The following EPHA3 variants were observed in gnomAD, a reference collection of about 807,000 sequenced individuals.
EPHA3 encodes the protein ephrin type-A receptor 3.
Under a neutral mutation model 107.1 loss-of-function variants are expected in EPHA3, and 42 were observed. That is an observed-to-expected ratio of 0.39 (90% confidence interval 0.31 to 0.51). The LOEUF is 0.51. Among genes scored for constraint, EPHA3 ranks in the 20% least tolerant of loss-of-function variants. The probability of loss-of-function intolerance (pLI) is 0.78; values close to 1 mark genes in which losing one functional copy is unlikely to be tolerated. For missense variants in EPHA3, 1,183 were observed against 1,211.2 expected (o/e 0.98, Z 0.35); for synonymous variants, 461 against 424.8 (o/e 1.09, Z -1.05).
chr3:89,357,528 G>T (rs1192604341), intron 5 of EPHA3, among the ~76,000 whole-genome samples: 1 of 151,008 alleles, frequency 6.6e-6, no homozygotes, highest in African/African-American at 2.4e-5. Context: ...GGCAAAGTTC[G>T]TCTATCTTTG....
At chr3:89,266,379 G>A (rs1193563851) in intron 3 of EPHA3, among the ~76,000 whole-genome samples, 1 of 152,088 alleles carries the variant, frequency 6.6e-6, no homozygotes, top group Non-Finnish European at 1.5e-5. Flanking sequence ...ATTGAAGCCA[G>A]CTTAGTTCCC....
intron 2 of EPHA3, among the ~76,000 whole-genome samples, chr3:89,203,250 T>C (rs1356391727): frequency 6.6e-6 from 1 of 150,754 alleles, no homozygotes; most frequent in African/African-American, 2.4e-5. Context: ...GTTTTGTTTT[T>C]GTTGTTGTTG....
intron 13 of EPHA3, among the ~76,000 whole-genome samples, chr3:89,442,588 A>C (rs189622964): frequency 1.3e-3 from 193 of 152,302 alleles, no homozygotes; most frequent in African/African-American, 4.5e-3. Flanking sequence ...GTCACAGCAA[A>C]GAATGATCTC....
At chr3:89,138,949 A>G (rs1704371078) in intron 2 of EPHA3, among the ~76,000 whole-genome samples, 1 of 151,876 alleles carries the variant, frequency 6.6e-6, no homozygotes, top group South Asian at 2.1e-4. Flanking sequence ...AAAATTATCT[A>G]GTAAACTAAG....
chr3:89,125,653 GA>G (rs924332686), intron 1 of EPHA3, among the ~76,000 whole-genome samples: 8 of 151,420 alleles, frequency 5.3e-5, no homozygotes, highest in Admixed American at 1.3e-4. Flanking sequence ...AATTTATTGG[GA>G]AAAAATTCTT....
chr3:89,323,376 T>C (rs1707087362), intron 3 of EPHA3, among the ~76,000 whole-genome samples: 1 of 152,114 alleles, frequency 6.6e-6, no homozygotes, highest in African/African-American at 2.4e-5. Flanking sequence ...CAGTTACATA[T>C]ATAGTAACTG....
At chr3:89,435,077 A>G (rs1325788478) in intron 13 of EPHA3, among the ~76,000 whole-genome samples, 1 of 152,014 alleles carries the variant, frequency 6.6e-6, no homozygotes, top group East Asian at 1.9e-4. Flanking sequence ...TAATAAGAAG[A>G]CTTCAATTTT....
rs1704740790 is a variant in EPHA3, at chr3:89,153,987, C to T, written c.153+26714C>T. Among the ~76,000 whole-genome samples, 3 of 152,052 alleles carry T rather than the reference C, an allele frequency of 2.0e-5. No individual in the cohort carries two copies. The South Asian group carries it at 6.2e-4, about 31-fold the overall frequency. On this transcript the variant is annotated intron_variant, in intron 2 of 16. Transcript: ENST00000336596. ...CTGCTTTTATCTCTGAGCTTCAGCA[C>T]TTATTCTTCCCACTTCCTGCAAATG... is the stretch of plus-strand genomic sequence containing the variant.
In EPHA3 at chr3:89,466,784, C is replaced by A. The variant is rs1228551018; in HGVS notation, c.2691-5680C>A. Among the ~76,000 whole-genome samples, 2 of 138,126 alleles carry A rather than the reference C, an allele frequency of 1.4e-5. 1 individual carries two copies. Among genetic ancestry groups the A allele is most frequent in the Non-Finnish European group, 3.2e-5 (2 of 62,454 alleles). The allele number at this position is 138,126 out of a possible 152,430, so 90.6% of individuals were successfully genotyped here. A position where few individuals can be genotyped will look rare whatever the true frequency, so the allele number is the denominator to read the frequency against. On this transcript the variant is annotated intron_variant, in intron 15 of 16. Coordinates refer to ENST00000336596, the MANE Select transcript of EPHA3 (RefSeq NM_005233.6). ...CCTCAGATGGAAATGCAGAAATCACCGTCTTATGCGTCGCTCACGCTGGGA... is the reference window on the plus strand; with the variant it reads ...CCTCAGATGGAAATGCAGAAATCACAGTCTTATGCGTCGCTCACGCTGGGA...
In EPHA3 at chr3:89,287,698, A is replaced by G. The variant is rs1326794827; in HGVS notation, c.815-53218A>G. ...CACTTAATTTAGTATTACATTTTTT[A>G]GAAGAAAATTTTAACAAAAATCACT... On this transcript the variant is annotated intron_variant, in intron 3 of 16. Coordinates refer to ENST00000336596, the MANE Select transcript of EPHA3 (RefSeq NM_005233.6). Among the ~76,000 whole-genome samples the G allele has an allele frequency of 2.0e-5, 3 of 152,178 alleles. No individual in the cohort carries two copies. In the East Asian group the frequency reaches 5.8e-4, roughly 29 times the overall value.
intron 3 of EPHA3, among the ~76,000 whole-genome samples, chr3:89,263,071 T>G (rs1398579569): frequency 4.0e-5 from 6 of 150,292 alleles, no homozygotes; most frequent in Admixed American, 1.3e-4. Flanking sequence ...GGTGGTTTGC[T>G]GCACCCATCA....
intron 2 of EPHA3, among the ~76,000 whole-genome samples, chr3:89,134,570 G>C (rs1704274440): frequency 6.6e-6 from 1 of 152,122 alleles, no homozygotes; most frequent in Admixed American, 6.5e-5. Context: ...TGGCTGCATA[G>C]TATTCCATGG....
chr3:89,346,559 T>C (rs934002255), intron 5 of EPHA3, among the ~76,000 whole-genome samples: 2 of 149,230 alleles, frequency 1.3e-5, no homozygotes, highest in Non-Finnish European at 1.5e-5. Flanking sequence ...TTTCTCCCAT[T>C]TTGTAGGTTG....
At chr3:89,378,818 G>C (rs183347323) in intron 5 of EPHA3, among the ~76,000 whole-genome samples, 1 of 152,108 alleles carries the variant, frequency 6.6e-6, no homozygotes, top group Admixed American at 6.6e-5. Flanking sequence ...GCAGCTTAAG[G>C]CTATTTTTTC....
chr3:89,324,383 C>T (rs1707118460), intron 3 of EPHA3, among the ~76,000 whole-genome samples: 1 of 151,808 alleles, frequency 6.6e-6, no homozygotes, highest in Admixed American at 6.6e-5. Flanking sequence ...GTTGGCCAGG[C>T]TGGTCTCATC....
intron 2 of EPHA3, among the ~76,000 whole-genome samples, chr3:89,148,729 G>A (rs1704624870): frequency 6.6e-6 from 1 of 151,866 alleles, no homozygotes; most frequent in East Asian, 1.9e-4. Flanking sequence ...ACCCATCTTA[G>A]GAAAGTTCTG....
intron 10 of EPHA3, among the ~76,000 whole-genome samples, chr3:89,414,458 G>GAT (rs1364836566): frequency 2.6e-5 from 4 of 151,586 alleles, no homozygotes; most frequent in African/African-American, 9.7e-5. Flanking sequence ...TGCCAAAACA[G>GAT]ATATATATTG....
intron 3 of EPHA3, among the ~76,000 whole-genome samples, chr3:89,334,821 A>G (rs1406692275): frequency 1.3e-5 from 2 of 152,186 alleles, no homozygotes; most frequent in Non-Finnish European, 2.9e-5. Flanking sequence ...AATCTAAGCC[A>G]ACACCTATTT....
chr3:89,150,665 T>G (rs1418760667), intron 2 of EPHA3, among the ~76,000 whole-genome samples: 1 of 152,098 alleles, frequency 6.6e-6, no homozygotes, highest in Non-Finnish European at 1.5e-5. Flanking sequence ...TTACCAGATA[T>G]CAATTTGAAT....
Sources: gnomAD v4.1 joint callset for allele counts (sites outside exome capture counted in the v4.1 genomes callset) on GRCh38, gnomAD v4.1.1 for gene constraint, MANE v1.5 for transcripts, NCBI Gene and HGNC (gene_info 2026-07-23, HGNC 2026-07-21) for gene names.